Variants in STAC observed in about 807,000 individuals in gnomAD.
The protein encoded by STAC is SH3 and cysteine rich domain.
Under a neutral mutation model 48.8 loss-of-function variants are expected in STAC, and 43 were observed. The observed-to-expected ratio is 0.88, with a 90% CI of 0.69 to 1.14. The LOEUF (loss-of-function observed/expected upper bound fraction) is 1.14, where lower values mean the gene tolerates loss of function less well. Ranked by LOEUF, STAC falls within the 50% of genes most tolerant of loss-of-function variation. The pLI, the probability that STAC is intolerant of heterozygous loss-of-function variation, is 0.00. For synonymous variants in STAC, 193 were observed against 179.5 expected (o/e 1.07, Z -0.60); for missense variants, 497 against 504.0 (o/e 0.99, Z 0.13).
chr3:36,395,443 T>C (rs1443936711), intron 1 of STAC, among the ~76,000 whole-genome samples: 1 of 152,108 alleles, frequency 6.6e-6, no homozygotes, highest in Non-Finnish European at 1.5e-5. Context: ...CAAGTAGAAG[T>C]GTCTGTTTCC....
chr3:36,534,783 A>G (rs938873137), intron 10 of STAC, among the ~76,000 whole-genome samples: 1 of 151,724 alleles, frequency 6.6e-6, no homozygotes, highest in Non-Finnish European at 1.5e-5. Flanking sequence ...CTCCCACCTC[A>G]GCCTCCCAAT....
chr3:36,540,372 G>A (rs1301993095), intron 10 of STAC, among the ~76,000 whole-genome samples: 1 of 152,058 alleles, frequency 6.6e-6, no homozygotes, highest in East Asian at 1.9e-4. Context: ...ACACAAAAGG[G>A]ACTTTGCAGA....
chr3:36,464,095 CT>C (rs1462866176), intron 2 of STAC, among the ~76,000 whole-genome samples: 1 of 152,220 alleles, frequency 6.6e-6, no homozygotes, highest in African/African-American at 2.4e-5. Context: ...AATCGCCACA[CT>C]GACTTGCACA....
chr3:36,511,753 G>A (rs1188169924), intron 8 of STAC, among the ~76,000 whole-genome samples: 3 of 152,088 alleles, frequency 2.0e-5, no homozygotes, highest in Non-Finnish European at 2.9e-5. Context: ...AATTCTTCTG[G>A]TTTGTGTCAT....
intron 2 of STAC, among the ~76,000 whole-genome samples, chr3:36,459,882 C>T (rs1368243069): frequency 3.3e-5 from 5 of 152,112 alleles, no homozygotes; most frequent in Non-Finnish European, 7.4e-5. Flanking sequence ...CTAGCTCTAC[C>T]ACTCACTAAC....
At chr3:36,533,002 C>T (rs1345148558) in intron 10 of STAC, among the ~76,000 whole-genome samples, 1 of 152,168 alleles carries the variant, frequency 6.6e-6, no homozygotes, top group Non-Finnish European at 1.5e-5. Context: ...ATGTGTCTTG[C>T]TCAAGGGGCA....
chr3:36,461,475 C>A (rs1221615192), intron 2 of STAC, among the ~76,000 whole-genome samples: 1 of 151,536 alleles, frequency 6.6e-6, no homozygotes, highest in Admixed American at 6.6e-5. Flanking sequence ...ACTGGGGAGA[C>A]GATGGATGGA....
At chr3:36,532,249 T>C (rs1438670698) in intron 10 of STAC, among the ~76,000 whole-genome samples, 1 of 152,182 alleles carries the variant, frequency 6.6e-6, no homozygotes, top group Non-Finnish European at 1.5e-5. Flanking sequence ...CCTTAGGAAA[T>C]TGGGTCACTG....
chr3:36,442,625 TA>T (rs1158189411), intron 1 of STAC, among the ~76,000 whole-genome samples: 4 of 152,114 alleles, frequency 2.6e-5, no homozygotes, highest in Non-Finnish European at 1.5e-5. Flanking sequence ...GGTGCTTTTT[TA>T]TAAGTCCCAG....
intron 8 of STAC, among the ~76,000 whole-genome samples, chr3:36,513,445 C>T (rs1392411366): frequency 6.6e-6 from 1 of 152,180 alleles, no homozygotes; most frequent in African/African-American, 2.4e-5. Flanking sequence ...CTATCCCCAC[C>T]TTCATATCTT....
intron 2 of STAC, among the ~76,000 whole-genome samples, chr3:36,449,100 C>T (rs1365764611): frequency 6.6e-6 from 1 of 151,954 alleles, no homozygotes; most frequent in South Asian, 2.1e-4. Context: ...GCCTGGGCAA[C>T]GGAGTGAGAC....
chr3:36,424,422 T>C (rs1049452252), intron 1 of STAC, among the ~76,000 whole-genome samples: 12 of 152,176 alleles, frequency 7.9e-5, no homozygotes, highest in African/African-American at 1.4e-4. Context: ...TACAGATAGA[T>C]TGATATAAAA....
Position 36,443,314 on chromosome 3 carries a change from C to G in STAC, c.112-50C>G, listed in dbSNP as rs1351210717. On this transcript the variant is annotated intron_variant, in intron 1 of 10. Transcript: ENST00000273183. This position sits in a 1 kb window ranked among gnomAD's most constrained non-coding sequence, Gnocchi z 4.2. Reference sequence around the variant, plus strand: ...CAGACCTTACCCCCACAGCCTAGGTCTGCTTGATCCATTGATCGTAAGAGA... The same window carrying G: ...CAGACCTTACCCCCACAGCCTAGGTGTGCTTGATCCATTGATCGTAAGAGA... 3.1e-6 allele frequency: 5 copies of G among 1,606,242 alleles called. No homozygotes were observed. Among genetic ancestry groups the G allele is most frequent in the Non-Finnish European group, 4.3e-6 (5 of 1,176,390 alleles).
chr3:36,506,153 T>A (rs1206872301), intron 8 of STAC: 1 of 189,688 alleles, frequency 5.3e-6, no homozygotes, highest in African/African-American at 2.3e-5. Context: ...ATGGGAGTTT[T>A]CATGAAGGTT....
intron 8 of STAC, among the ~76,000 whole-genome samples, chr3:36,527,001 G>A (rs1006461803): frequency 5.9e-5 from 9 of 152,108 alleles, no homozygotes; most frequent in African/African-American, 1.2e-4. Context: ...GGGAGGAGAC[G>A]CACCAATTGA....
intron 1 of STAC, among the ~76,000 whole-genome samples, chr3:36,433,307 G>A (rs1232152823): frequency 6.6e-6 from 1 of 152,142 alleles, no homozygotes; most frequent in African/African-American, 2.4e-5. Context: ...GGTGCAGGAG[G>A]GGATGACTAG....
At chr3:36,464,214 A>T (rs574478158) in intron 2 of STAC, among the ~76,000 whole-genome samples, 1 of 152,266 alleles carries the variant, frequency 6.6e-6, no homozygotes, top group South Asian at 2.1e-4. Flanking sequence ...CGCCATTCTA[A>T]CTGGTGTGAG....
At chr3:36,545,330 G>A (rs77784003) in intron 10 of STAC, among the ~76,000 whole-genome samples, 3,945 of 152,292 alleles carry the variant, frequency 0.026, 91 homozygotes, top group African/African-American at 0.059. Flanking sequence ...CTGCTTTCCA[G>A]CTGAAAACCT....
At chr3:36,544,154 G>A (rs1250658560) in intron 10 of STAC, among the ~76,000 whole-genome samples, 1 of 152,028 alleles carries the variant, frequency 6.6e-6, no homozygotes, top group East Asian at 1.9e-4. Context: ...CTCATCACTG[G>A]AGCCTCCCCC....
Sources: allele counts gnomAD v4.1 joint callset (sites outside exome capture counted in the v4.1 genomes callset), GRCh38; gene constraint gnomAD v4.1.1; non-coding constraint Gnocchi (gnomAD v3.1); transcripts MANE v1.5; gene names NCBI Gene and HGNC (gene_info 2026-07-23, HGNC 2026-07-21).